The following ROBO1 variants were observed in gnomAD, a reference collection of about 807,000 sequenced individuals.
The protein encoded by ROBO1 is roundabout guidance receptor 1.
In ROBO1, 149 loss-of-function variants were observed where a neutral mutation model predicts 195.9. The observed-to-expected ratio is 0.76, with a 90% CI of 0.67 to 0.87. ROBO1 has a LOEUF of 0.87. ROBO1 is among the 40% of genes least tolerant of loss of function. The pLI is 0.00. For missense variants in ROBO1, 1,933 were observed against 2,068.3 expected (o/e 0.93, Z 1.27); for synonymous variants, 816 against 733.2 (o/e 1.11, Z -1.82).
chr3:78,872,795 C>T (rs1314907366), intron 4 of ROBO1, among the ~76,000 whole-genome samples: 1 of 152,074 alleles, frequency 6.6e-6, no homozygotes, highest in Non-Finnish European at 1.5e-5. Context: ...AATTCAATAG[C>T]TTGAGTATAA....
intron 2 of ROBO1, among the ~76,000 whole-genome samples, chr3:79,373,587 A>G (rs371733771): frequency 1.2e-4 from 18 of 152,238 alleles, no homozygotes; most frequent in East Asian, 3.8e-4. Flanking sequence ...TTTTTAAAAT[A>G]CTGAGCCACT....
At chr3:79,589,716 C>G in intron 2 of ROBO1, 108 bp downstream of exon 2, 1 of 871,836 alleles carries the variant, frequency 1.1e-6, no homozygotes, top group Non-Finnish European at 1.9e-6. Flanking sequence ...CTTACAAGTT[C>G]CAAAGAAAAT....
At chr3:79,577,759 C>CACACAA (rs1491422878) in intron 2 of ROBO1, among the ~76,000 whole-genome samples, 1 of 144,582 alleles carries the variant, frequency 6.9e-6, no homozygotes, top group East Asian at 2.1e-4. Context: ...CACACACACA[C>CACACAA]AAAATTGCTG....
intron 4 of ROBO1, among the ~76,000 whole-genome samples, chr3:78,797,673 T>C (rs371984152): frequency 6.6e-6 from 1 of 152,180 alleles, no homozygotes; most frequent in Non-Finnish European, 1.5e-5. Flanking sequence ...GTGGTACTGA[T>C]GACAACAGTA....
chr3:79,610,999 C>A (rs929584917), intron 1 of ROBO1, among the ~76,000 whole-genome samples: 1 of 152,034 alleles, frequency 6.6e-6, no homozygotes, highest in African/African-American at 2.4e-5. Context: ...ATTATAATCT[C>A]TTTAGCACTT....
intron 2 of ROBO1, among the ~76,000 whole-genome samples, chr3:79,303,085 C>T (rs2033042489): frequency 1.3e-5 from 2 of 149,836 alleles, no homozygotes; most frequent in South Asian, 2.1e-4. Flanking sequence ...TAATGTATAA[C>T]ATAATGTTTT....
intron 2 of ROBO1, among the ~76,000 whole-genome samples, chr3:79,494,764 GA>G (rs1056870910): frequency 1.3e-5 from 2 of 151,998 alleles, no homozygotes; most frequent in Non-Finnish European, 2.9e-5. Context: ...AGATATAACA[GA>G]AAAAAATATT....
At chr3:78,849,831 TACACACACACAC>T (rs576994363) in intron 4 of ROBO1, among the ~76,000 whole-genome samples, 316 of 79,708 alleles carry the variant, frequency 4.0e-3, no homozygotes, top group African/African-American at 0.01. Context: ...TCTCTCCCAT[TACACACACACAC>T]ACACACACAC....
intron 2 of ROBO1, among the ~76,000 whole-genome samples, chr3:79,204,047 T>C (rs1339856136): frequency 1.3e-5 from 2 of 152,198 alleles, no homozygotes; most frequent in African/African-American, 4.8e-5. Context: ...ATATTTTTCC[T>C]ATTCTTTTTC....
intron 2 of ROBO1, among the ~76,000 whole-genome samples, chr3:79,512,440 G>A (rs1316426165): frequency 6.6e-6 from 1 of 152,106 alleles, no homozygotes; most frequent in Non-Finnish European, 1.5e-5. Flanking sequence ...CTTACATACA[G>A]TAACTAATTT....
At chr3:78,622,443 G>A (rs964453571) in intron 26 of ROBO1, among the ~76,000 whole-genome samples, 1 of 152,094 alleles carries the variant, frequency 6.6e-6, no homozygotes. Context: ...AAGATCACAG[G>A]CAAACAGAGC....
At chr3:78,658,156 C>A (rs1707154639) in intron 17 of ROBO1, among the ~76,000 whole-genome samples, 1 of 152,166 alleles carries the variant, frequency 6.6e-6, no homozygotes, top group Non-Finnish European at 1.5e-5. Context: ...ATTCTATAAT[C>A]CTTGTTTTAA....
At chr3:79,381,210 A>T (rs547048707) in intron 2 of ROBO1, among the ~76,000 whole-genome samples, 40 of 151,898 alleles carry the variant, frequency 2.6e-4, no homozygotes, top group African/African-American at 9.2e-4. Flanking sequence ...TACTAAAATT[A>T]TCTGGGCGTG....
At chr3:79,415,540 A>G (rs1200818283) in intron 2 of ROBO1, among the ~76,000 whole-genome samples, 1 of 152,142 alleles carries the variant, frequency 6.6e-6, no homozygotes, top group East Asian at 1.9e-4. Flanking sequence ...AGCTTGTCAC[A>G]TATTAGGATG....
intron 3 of ROBO1, among the ~76,000 whole-genome samples, chr3:79,008,888 CGT>C (rs375134341): frequency 0.11 from 13,831 of 121,012 alleles, 685 homozygotes; most frequent in East Asian, 0.18. Flanking sequence ...TGCACCCAGC[CGT>C]GTGTGTGTGT....
chr3:78,604,791 A>G (rs1703372928), intron 29 of ROBO1, among the ~76,000 whole-genome samples: 1 of 152,216 alleles, frequency 6.6e-6, no homozygotes, highest in Non-Finnish European at 1.5e-5. Context: ...CAATATATCT[A>G]TTAAAATACA....
chr3:79,714,850 G>A (rs1352572658), intron 1 of ROBO1, among the ~76,000 whole-genome samples: 1 of 131,316 alleles, frequency 7.6e-6, no homozygotes, highest in Non-Finnish European at 1.6e-5. Context: ...GACTGTTGTG[G>A]GGTGGGGGGA....
intron 8 of ROBO1, chr3:78,693,250 G>T (rs377478386): frequency 3.4e-6 from 5 of 1,492,260 alleles, no homozygotes; most frequent in African/African-American, 2.8e-5. Flanking sequence ...GAGGCTGATT[G>T]GTTGAAGGAC....
intron 3 of ROBO1, among the ~76,000 whole-genome samples, chr3:78,941,267 GA>G (rs1435950023): frequency 6.6e-6 from 1 of 152,084 alleles, no homozygotes; most frequent in East Asian, 1.9e-4. Flanking sequence ...AGAAAAGGAG[GA>G]AATAAACTAG....
Sources: allele counts gnomAD v4.1 joint callset (sites outside exome capture counted in the v4.1 genomes callset), GRCh38; gene constraint gnomAD v4.1.1; transcripts MANE v1.5; gene names NCBI Gene and HGNC (gene_info 2026-07-23, HGNC 2026-07-21).